Variants in PHACTR1 observed in about 807,000 individuals in gnomAD.
PHACTR1 encodes the protein RPEL repeat containing 1.
Under a neutral mutation model 69.2 loss-of-function variants are expected in PHACTR1, and 16 were observed. The observed-to-expected ratio is 0.23, with a 90% CI of 0.16 to 0.35. The LOEUF is 0.35. Ranked by LOEUF, PHACTR1 falls within the 10% of genes least tolerant of loss-of-function variation. The probability of loss-of-function intolerance (pLI) is 1.00; values close to 1 mark genes in which losing one functional copy is unlikely to be tolerated. For synonymous variants in PHACTR1, 312 were observed against 284.5 expected (o/e 1.10, Z -0.97); for missense variants, 510 against 734.7 (o/e 0.69, Z 3.54).
At chr6:12,770,314 C>A (rs992974285) in intron 4 of PHACTR1, among the ~76,000 whole-genome samples, 5 of 152,184 alleles carry the variant, frequency 3.3e-5, no homozygotes, top group Non-Finnish European at 7.3e-5. Context: ...GCATGCCCCT[C>A]GTTTTTGGGA....
At chr6:13,022,666 TA>T (rs201078402) in intron 4 of PHACTR1, among the ~76,000 whole-genome samples, 8,784 of 141,778 alleles carry the variant, frequency 0.062, 345 homozygotes, top group Non-Finnish European at 0.097. Context: ...TCTCTGGCCT[TA>T]AAAAAAAAAA....
At chr6:12,985,740 A>G (rs1466130546) in intron 4 of PHACTR1, among the ~76,000 whole-genome samples, 1 of 152,050 alleles carries the variant, frequency 6.6e-6, no homozygotes, top group Non-Finnish European at 1.5e-5. Context: ...TAACAAAATC[A>G]CAATTATGTA....
chr6:13,039,117 A>G (rs1803790209), intron 4 of PHACTR1, among the ~76,000 whole-genome samples: 1 of 152,226 alleles, frequency 6.6e-6, no homozygotes, highest in Admixed American at 6.5e-5. Flanking sequence ...AGAAGAATGG[A>G]TTTGGCAGGC....
At chr6:12,956,658 A>C (rs1582687379) in intron 4 of PHACTR1, among the ~76,000 whole-genome samples, 1 of 152,256 alleles carries the variant, frequency 6.6e-6, no homozygotes, top group Non-Finnish European at 1.5e-5. Context: ...GATCGAGGTC[A>C]GGGCAGGGGT....
At chr6:13,099,000 C>T (rs1230830047) in intron 5 of PHACTR1, among the ~76,000 whole-genome samples, 2 of 152,294 alleles carry the variant, frequency 1.3e-5, no homozygotes, top group Non-Finnish European at 2.9e-5. Context: ...CAGTAACTTA[C>T]AACACATGAA....
intron 4 of PHACTR1, among the ~76,000 whole-genome samples, chr6:12,995,548 ATTG>A (rs1797327403): frequency 6.6e-6 from 1 of 152,032 alleles, no homozygotes. Flanking sequence ...GATAAGGAAA[ATTG>A]TTACTTAATG....
chr6:12,807,626 G>A lies in PHACTR1; in HGVS notation c.250+57836G>A, dbSNP rs148738721. 1.6e-4 allele frequency among the ~76,000 whole-genome samples: 25 copies of A among 152,274 alleles called. No individual in the cohort carries two copies. The East Asian group carries it at 1.7e-3, about 11-fold the overall frequency. On this transcript the variant is annotated intron_variant, in intron 4 of 14. Transcript: ENST00000332995. ...AGCATGTGAAATTCTTACAAAGAGC[G>A]GATAAGAACTCTGATCGACACTCTC...
intron 5 of PHACTR1, among the ~76,000 whole-genome samples, chr6:13,114,457 C>T (rs1454053819): frequency 2.6e-5 from 4 of 152,122 alleles, no homozygotes; most frequent in African/African-American, 7.2e-5. Flanking sequence ...CCAAGGGAAA[C>T]GTTCTTCTAT....
chr6:13,012,052 G>A (rs1317525907), intron 4 of PHACTR1, among the ~76,000 whole-genome samples: 2 of 152,208 alleles, frequency 1.3e-5, no homozygotes, highest in East Asian at 1.9e-4. Context: ...CCCTCAATGG[G>A]TACCAAGAGG....
intron 4 of PHACTR1, among the ~76,000 whole-genome samples, chr6:12,762,444 G>GT (rs1251729847): frequency 6.6e-6 from 1 of 152,092 alleles, no homozygotes; most frequent in African/African-American, 2.4e-5. Flanking sequence ...AATAACGCTT[G>GT]TTTAATAGGC....
Position 13,278,303 on chromosome 6 carries a change from G to C in PHACTR1, c.1483G>C (p.Glu495Gln), listed in dbSNP as rs928678571. 6.2e-7 allele frequency: 1 copy of C among 1,600,460 alleles called. No homozygotes were observed. Among genetic ancestry groups the C allele is most frequent in the Non-Finnish European group, 8.5e-7 (1 of 1,173,422 alleles). Residue 495 changes from glutamate (E) to glutamine (Q), a missense_variant, in exon 12 of 15, where the codon GAG (glutamate) becomes CAG (glutamine). Physicochemically the swap from Glu to Gln is conservative, Grantham distance 29. Transcript: ENST00000332995. ...ACAAGAGGAACAGGAGGAGAAGAGA[G>C]AGATCAAGAGGAGGCTAACCCGAAA... ...NEQEEQEEKR[E>Q]IKRRLTRKLS...
rs530741132 is a variant in PHACTR1 at position 13,177,172 on chromosome 6, TAAAAAAAAAAAAAA to T, written c.497-5329_497-5316del. On this transcript the variant is annotated intron_variant, in intron 6 of 14. Transcript: ENST00000332995. ...TGGCAAAATAGCAAGACCCCATCTC[TAAAAAAAAAAAAAA>T]AAAAAAAAAAAAAAAAATCCAGGCA... 1.9e-4 allele frequency among the ~76,000 whole-genome samples: 12 copies of T among 63,366 alleles called. No homozygotes were observed. The East Asian group carries it at 6.3e-3, about 33-fold the overall frequency. The allele number at this position is 63,366 out of a possible 152,430, so 41.6% of individuals were successfully genotyped here.
At chr6:13,211,129 T>C (rs148332655) in intron 8 of PHACTR1, among the ~76,000 whole-genome samples, 298 of 152,246 alleles carry the variant, frequency 2.0e-3, no homozygotes, top group African/African-American at 6.9e-3. Flanking sequence ...ATTTTTATTT[T>C]TATTTCAATC....
rs1286352562 is a variant in PHACTR1 at position 13,179,997 on chromosome 6, T to G, written c.497-2522T>G. Among the ~76,000 whole-genome samples the G allele has an allele frequency of 3.3e-5, 5 of 152,156 alleles. No individual in the cohort carries two copies. Among genetic ancestry groups the G allele is most frequent in the African/African-American group, 1.2e-4 (5 of 41,438 alleles). On this transcript the variant is annotated intron_variant, in intron 6 of 14. Coordinates refer to ENST00000332995, the MANE Select transcript of PHACTR1 (RefSeq NM_030948.6). The surrounding 1 kb of genome is among the most constrained non-coding windows in gnomAD (Gnocchi z 4.2). Reference sequence around the variant, plus strand: ...TGCAAGACGATGGTCCTCACTGCATTTTTTTCATAATAGCATAAGTCTATC... The same window carrying G: ...TGCAAGACGATGGTCCTCACTGCATGTTTTTCATAATAGCATAAGTCTATC...
At chr6:13,063,054 C>T (rs1157230802) in intron 5 of PHACTR1, among the ~76,000 whole-genome samples, 5 of 152,244 alleles carry the variant, frequency 3.3e-5, no homozygotes, top group African/African-American at 4.8e-5. Context: ...GTAATATAGT[C>T]TACTTGTTCA....
intron 5 of PHACTR1, among the ~76,000 whole-genome samples, chr6:13,137,522 AATTC>A (rs1279303580): frequency 2.0e-5 from 3 of 152,254 alleles, no homozygotes; most frequent in Admixed American, 6.5e-5. Flanking sequence ...TATTTGAATT[AATTC>A]ATCTATGTAC....
chr6:13,094,486 G>A (rs529587155), intron 5 of PHACTR1, among the ~76,000 whole-genome samples: 4,276 of 151,780 alleles, frequency 0.028, 179 homozygotes, highest in African/African-American at 0.095. Context: ...GTAGAGAGGG[G>A]GGGTTTCACC....
At chr6:13,054,958 G>T (rs1321937792) in intron 5 of PHACTR1, among the ~76,000 whole-genome samples, 1 of 152,092 alleles carries the variant, frequency 6.6e-6, no homozygotes, top group Non-Finnish European at 1.5e-5. Flanking sequence ...TGGGTTTCCT[G>T]CCTCTTTGCC....
intron 8 of PHACTR1, among the ~76,000 whole-genome samples, chr6:13,224,892 A>C (rs746137692): frequency 1.8e-4 from 27 of 152,144 alleles, no homozygotes; most frequent in Admixed American, 1.1e-3. Context: ...ACCACTTGGA[A>C]GGCCATGTCT....
Sources: gnomAD v4.1 joint callset for allele counts (sites outside exome capture counted in the v4.1 genomes callset) on GRCh38, gnomAD v4.1.1 for gene constraint, Gnocchi (gnomAD v3.1) non-coding constraint, MANE v1.5 for transcripts, NCBI Gene and HGNC (gene_info 2026-07-23, HGNC 2026-07-21) for gene names.